The following CYP19A1 variants were observed in gnomAD, a reference collection of about 807,000 sequenced individuals.
CYP19A1 encodes the protein aromatase.
Under a neutral mutation model 44.4 loss-of-function variants are expected in CYP19A1, and 32 were observed. That is an observed-to-expected ratio of 0.72 (90% CI 0.54 to 0.97). CYP19A1 has a LOEUF of 0.97. Among genes scored for constraint, CYP19A1 ranks in the 50% least tolerant of loss-of-function variants. The pLI, the probability that CYP19A1 is intolerant of heterozygous loss-of-function variation, is 0.00. For missense variants in CYP19A1, 598 were observed against 637.8 expected (o/e 0.94, Z 0.67); for synonymous variants, 212 against 215.6 (o/e 0.98, Z 0.14).
At chr15:51,285,762 CAATA>C (rs1291332163) in intron 1 of CYP19A1, among the ~76,000 whole-genome samples, 2 of 152,192 alleles carry the variant, frequency 1.3e-5, no homozygotes, top group East Asian at 1.9e-4. Context: ...GTTTGATCGC[CAATA>C]AATAGTCTGG....
At chr15:51,233,208 T>G (rs925844229) in intron 3 of CYP19A1, among the ~76,000 whole-genome samples, 1 of 148,668 alleles carries the variant, frequency 6.7e-6, no homozygotes, top group Non-Finnish European at 1.5e-5. Context: ...CCCTATTCTT[T>G]TTCTATGTAA....
chr15:51,330,143 C>T (rs1217960209), intron 1 of CYP19A1, among the ~76,000 whole-genome samples: 2 of 151,962 alleles, frequency 1.3e-5, no homozygotes, highest in East Asian at 1.9e-4. Context: ...GGCACAAGGG[C>T]GGAATGGTGA....
At chr15:51,279,167 T>C (rs913989683) in intron 1 of CYP19A1, 1 of 152,222 alleles carries the variant, frequency 6.6e-6, no homozygotes, top group Non-Finnish European at 1.5e-5. Context: ...GACCAAAGAC[T>C]TGGATTAAAA....
intron 1 of CYP19A1, among the ~76,000 whole-genome samples, chr15:51,302,845 G>C (rs972135830): frequency 7.9e-5 from 12 of 152,184 alleles, no homozygotes; most frequent in African/African-American, 2.9e-4. Context: ...GGCACTTTTT[G>C]CCAGTAGACA....
intron 1 of CYP19A1, among the ~76,000 whole-genome samples, chr15:51,256,471 A>C (rs2034519140): frequency 6.6e-6 from 1 of 152,190 alleles, no homozygotes; most frequent in Non-Finnish European, 1.5e-5. Context: ...CACCTACCCC[A>C]TGAGTGTAGC....
chr15:51,327,555 C>T (rs778447140), intron 1 of CYP19A1, among the ~76,000 whole-genome samples: 5 of 151,204 alleles, frequency 3.3e-5, no homozygotes, highest in East Asian at 3.9e-4. Flanking sequence ...GATCTCAGCT[C>T]ACTGCAACCT....
At chr15:51,229,713 C>CT (rs1489651799) in intron 3 of CYP19A1, among the ~76,000 whole-genome samples, 1 of 152,054 alleles carries the variant, frequency 6.6e-6, no homozygotes, top group Non-Finnish European at 1.5e-5. Context: ...TCTAGCTTTA[C>CT]TTACCTTCCC....
intron 1 of CYP19A1, among the ~76,000 whole-genome samples, chr15:51,263,539 A>G (rs1289943815): frequency 6.6e-6 from 1 of 152,196 alleles, no homozygotes. Flanking sequence ...TCTTGCATAT[A>G]TTTGAGTGCT....
chr15:51,251,480 G>A (rs960827529), intron 1 of CYP19A1, among the ~76,000 whole-genome samples: 3 of 152,190 alleles, frequency 2.0e-5, no homozygotes, highest in Admixed American at 2.0e-4. Flanking sequence ...CACAACATAA[G>A]TTCCTCCAGA....
intron 1 of CYP19A1, among the ~76,000 whole-genome samples, chr15:51,280,977 T>A (rs778794127): frequency 1.3e-5 from 2 of 152,166 alleles, no homozygotes; most frequent in Non-Finnish European, 1.5e-5. Flanking sequence ...CTCTGTGGAA[T>A]TGACTGCCAC....
At chr15:51,259,111 A>T (rs1156658972) in intron 1 of CYP19A1, among the ~76,000 whole-genome samples, 1 of 152,202 alleles carries the variant, frequency 6.6e-6, no homozygotes, top group Non-Finnish European at 1.5e-5. Flanking sequence ...GCCATTCAGG[A>T]TATGATACGT....
At position 51,212,565 on chromosome 15, in the gene CYP19A1, T is replaced by TG; in HGVS notation, c.1022-5dup. The TG allele has an allele frequency of 6.9e-7, 1 of 1,455,678 alleles. No homozygotes were observed. Among genetic ancestry groups the TG allele is most frequent in the Non-Finnish European group, 9.7e-7 (1 of 1,035,380 alleles). 90.2% of individuals were successfully genotyped at this position (1,455,678 alleles called of 1,614,324 possible). A position where few individuals can be genotyped will look rare whatever the true frequency, so the allele number is the denominator to read the frequency against. On this transcript the variant is annotated splice_polypyrimidine_tract_variant and splice_region_variant and intron_variant, in intron 8 of 9. Coordinates refer to ENST00000396402, the MANE Select transcript of CYP19A1 (RefSeq NM_000103.4). ...TCAATCTTTATGTCTCTCTCACCTG[T>TG]GGAAACAGATAAAAGGAACAAAGAA...
chr15:51,217,020 A>T (rs2031640228), intron 6 of CYP19A1, among the ~76,000 whole-genome samples: 2 of 152,322 alleles, frequency 1.3e-5, no homozygotes, highest in South Asian at 4.1e-4. Context: ...TCCAAATTCT[A>T]ATTGACATGT....
At chr15:51,279,361 G>T (rs1001866604) in intron 1 of CYP19A1, among the ~76,000 whole-genome samples, 7 of 152,170 alleles carry the variant, frequency 4.6e-5, no homozygotes, top group African/African-American at 1.7e-4. Flanking sequence ...AGCCCAGCAG[G>T]AAGATGAGAA....
chr15:51,243,674 T>C (rs1333725338), intron 1 of CYP19A1, among the ~76,000 whole-genome samples: 1 of 151,938 alleles, frequency 6.6e-6, no homozygotes, highest in African/African-American at 2.4e-5. Flanking sequence ...ATGAAAGGAA[T>C]GGGGAAGGAG....
At chr15:51,287,752 A>G (rs1453387042) in intron 1 of CYP19A1, among the ~76,000 whole-genome samples, 1 of 152,164 alleles carries the variant, frequency 6.6e-6, no homozygotes, top group Non-Finnish European at 1.5e-5. Flanking sequence ...GGCTAACACT[A>G]TAAAATGGAA....
chr15:51,211,507 T>C (rs1212628318), intron 9 of CYP19A1: 1 of 331,496 alleles, frequency 3.0e-6, no homozygotes, highest in African/African-American at 2.2e-5. Context: ...ATGCAGAAAA[T>C]TAATGAGGAC....
At chr15:51,295,134 GTGTTT>G (rs1325646178) in intron 1 of CYP19A1, among the ~76,000 whole-genome samples, 3 of 126,504 alleles carry the variant, frequency 2.4e-5, no homozygotes, top group African/African-American at 7.7e-5. Flanking sequence ...AATTAACAAC[GTGTTT>G]TTTTTTTTTT....
Position 51,210,395 on chromosome 15 carries a change from T to C in CYP19A1, c.*413A>G, listed in dbSNP as rs1302150333. 2.0e-6 allele frequency: 1 copy of C among 504,218 alleles called. No homozygotes were observed. The highest frequency in any genetic ancestry group is 2.3e-5 in the Admixed American group (1 of 43,776). 31.2% of individuals were successfully genotyped at this position (504,218 alleles called of 1,614,324 possible). On this transcript the variant is annotated 3_prime_UTR_variant, in exon 10 of 10. Coordinates refer to ENST00000396402, the MANE Select transcript of CYP19A1 (RefSeq NM_000103.4). ...GGTTTGGCCCCAGGTACCCTGACAT[T>C]GGCCTGGTCTTTCTAATCAACTTGA...
Sources: gnomAD v4.1 joint callset for allele counts (sites outside exome capture counted in the v4.1 genomes callset) on GRCh38, gnomAD v4.1.1 for gene constraint, MANE v1.5 for transcripts, NCBI Gene and HGNC (gene_info 2026-07-23, HGNC 2026-07-21) for gene names.